The following GPD1L variants were observed in gnomAD, a reference collection of about 807,000 sequenced individuals.
GPD1L encodes the protein glycerol-3-phosphate dehydrogenase 1 like, also known as glycerol-3-phosphate dehydrogenase 1-like protein.
Under a neutral mutation model 32.9 loss-of-function variants are expected in GPD1L, and 17 were observed. The ratio of observed to expected loss-of-function variants is 0.52; its 90% confidence interval spans 0.35 to 0.78. The LOEUF is 0.78. Among genes scored for constraint, GPD1L ranks in the 30% least tolerant of loss-of-function variants. The pLI is 0.01. For missense variants in GPD1L, 361 were observed against 447.8 expected, an observed-to-expected ratio of 0.81 and a Z score of 1.75; for synonymous variants, 187 against 165.9, an observed-to-expected ratio of 1.13 and a Z score of -0.98.
At chr3:32,117,490 A>G (rs1045359499) in intron 1 of GPD1L, among the ~76,000 whole-genome samples, 1 of 151,878 alleles carries the variant, frequency 6.6e-6, no homozygotes, top group Non-Finnish European at 1.5e-5. Context: ...GAGATTTTGC[A>G]TTGTTGAGAC....
At chr3:32,126,188 C>T (rs755913539) in intron 1 of GPD1L, among the ~76,000 whole-genome samples, 1 of 152,066 alleles carries the variant, frequency 6.6e-6, no homozygotes, top group Non-Finnish European at 1.5e-5. Flanking sequence ...GAGTGAGATC[C>T]TGTATCAATA....
intron 3 of GPD1L, 29 bp downstream of exon 3, chr3:32,138,756 A>G: frequency 4.3e-6 from 7 of 1,611,460 alleles, no homozygotes; most frequent in Non-Finnish European, 5.9e-6. Context: ...GCCCAGGGCT[A>G]GACATTGGTT....
At chr3:32,150,407 G>C (rs1234217561) in intron 5 of GPD1L, among the ~76,000 whole-genome samples, 1 of 152,018 alleles carries the variant, frequency 6.6e-6, no homozygotes, top group Non-Finnish European at 1.5e-5. Context: ...CTCCCAAGTA[G>C]CTGGGATTAT....
At chr3:32,111,213 A>G (rs1559567080) in intron 1 of GPD1L, among the ~76,000 whole-genome samples, 1 of 152,228 alleles carries the variant, frequency 6.6e-6, no homozygotes, top group African/African-American at 2.4e-5. Context: ...CACCCAGACA[A>G]AGTGCAAAAT....
chr3:32,155,360 G>A (rs889469155), intron 5 of GPD1L, among the ~76,000 whole-genome samples: 5 of 152,190 alleles, frequency 3.3e-5, no homozygotes, highest in Admixed American at 2.6e-4. Flanking sequence ...TAACTAGCCT[G>A]GGCTGGCTGA....
chr3:32,157,818 C>T (rs1259450581), intron 5 of GPD1L, among the ~76,000 whole-genome samples: 1 of 152,132 alleles, frequency 6.6e-6, no homozygotes, highest in East Asian at 1.9e-4. Flanking sequence ...ATTTACAAAA[C>T]AGGCAGTTGG....
intron 2 of GPD1L, among the ~76,000 whole-genome samples, chr3:32,130,134 G>A (rs943150998): frequency 1.4e-4 from 21 of 152,044 alleles, no homozygotes; most frequent in African/African-American, 4.1e-4. Context: ...CCTGTGCTGC[G>A]AACAGGGAGA....
chr3:32,116,987 C>T (rs982181108), intron 1 of GPD1L, among the ~76,000 whole-genome samples: 2 of 152,126 alleles, frequency 1.3e-5, no homozygotes, highest in African/African-American at 2.4e-5. Flanking sequence ...TGCCTTCCTG[C>T]CCACTTGAAA....
chr3:32,151,247 C>T (rs1700915344), intron 5 of GPD1L: 3 of 593,566 alleles, frequency 5.1e-6, no homozygotes, highest in East Asian at 7.2e-5. Context: ...TCATGTGTTT[C>T]AGGAAGCTAT....
intron 1 of GPD1L, among the ~76,000 whole-genome samples, chr3:32,126,084 A>G (rs995354939): frequency 2.6e-5 from 4 of 152,136 alleles, no homozygotes; most frequent in African/African-American, 7.2e-5. Flanking sequence ...AGTCCCAGCC[A>G]CTCAGGAGGC....
intron 5 of GPD1L, among the ~76,000 whole-genome samples, chr3:32,148,662 T>C (rs574428840): frequency 3.1e-4 from 47 of 152,332 alleles, no homozygotes; most frequent in African/African-American, 1.0e-3. Flanking sequence ...ACTCGGAGCG[T>C]GAACACGGGT....
intron 4 of GPD1L, among the ~76,000 whole-genome samples, chr3:32,145,499 G>A (rs1213983290): frequency 6.6e-6 from 1 of 152,198 alleles, no homozygotes; most frequent in Non-Finnish European, 1.5e-5. Context: ...AGCCAAGAGT[G>A]TGCCTTCCCC....
chr3:32,145,766 A>G (rs896809593), intron 4 of GPD1L, among the ~76,000 whole-genome samples: 8 of 152,194 alleles, frequency 5.3e-5, no homozygotes, highest in Admixed American at 3.9e-4. Context: ...AAGGAAGAGA[A>G]CAGTTTGCAC....
At chr3:32,133,168 G>A (rs151188751) in intron 2 of GPD1L, among the ~76,000 whole-genome samples, 9 of 152,252 alleles carry the variant, frequency 5.9e-5, no homozygotes, top group Non-Finnish European at 1.0e-4. Flanking sequence ...ACGATGCTCC[G>A]TGCAGCCACG....
At chr3:32,119,655 G>A (rs1700379862) in intron 1 of GPD1L, among the ~76,000 whole-genome samples, 1 of 152,168 alleles carries the variant, frequency 6.6e-6, no homozygotes, top group Admixed American at 6.5e-5. Context: ...CCCTTTGACT[G>A]CAAAGAATTA....
chr3:32,140,902 C>T (rs1342789201), intron 4 of GPD1L, among the ~76,000 whole-genome samples: 1 of 152,152 alleles, frequency 6.6e-6, no homozygotes, highest in East Asian at 1.9e-4. Context: ...AACTAGTAAG[C>T]CTTTTCTACT....
At chr3:32,121,523 A>C (rs111651556) in intron 1 of GPD1L, among the ~76,000 whole-genome samples, 1 of 93,420 alleles carries the variant, frequency 1.1e-5, no homozygotes, top group Non-Finnish European at 2.0e-5. Flanking sequence ...ATTTCTCTCT[A>C]TATATATTTC....
chr3:32,145,408 A>C (rs1163376354), intron 4 of GPD1L, among the ~76,000 whole-genome samples: 1 of 152,194 alleles, frequency 6.6e-6, no homozygotes, highest in Non-Finnish European at 1.5e-5. Context: ...GATTGCTATA[A>C]ATCAAGCCCA....
chr3:32,137,692 G>A (rs1241784317), intron 2 of GPD1L, among the ~76,000 whole-genome samples: 1 of 152,190 alleles, frequency 6.6e-6, no homozygotes, highest in East Asian at 1.9e-4. Flanking sequence ...CAGAGACCAT[G>A]TGCCCTGGAG....
Sources: gnomAD v4.1 joint callset for allele counts (sites outside exome capture counted in the v4.1 genomes callset) on GRCh38, gnomAD v4.1.1 for gene constraint, MANE v1.5 for transcripts, NCBI Gene and HGNC (gene_info 2026-07-23, HGNC 2026-07-21) for gene names.